MAN2A1: variants seen among roughly 807,000 people sequenced by gnomAD.
MAN2A1 encodes the protein mannosidase alpha class 2A member 1, also known as alpha-mannosidase 2.
In MAN2A1, 76 loss-of-function variants were observed where a neutral mutation model predicts 142.6. That is an observed-to-expected ratio of 0.53 (90% confidence interval 0.44 to 0.65). The LOEUF is 0.65. MAN2A1 is among the 30% of genes least tolerant of loss of function. The pLI, the probability that MAN2A1 is intolerant of heterozygous loss-of-function variation, is 0.00. For synonymous variants in MAN2A1, 559 were observed against 473.2 expected, an observed-to-expected ratio of 1.18 and a Z score of -2.35; for missense variants, 1,311 against 1,365.1, an observed-to-expected ratio of 0.96 and a Z score of 0.62.
chr5:109,744,220 G>A (rs1752342330), intron 4 of MAN2A1, among the ~76,000 whole-genome samples: 1 of 152,084 alleles, frequency 6.6e-6, no homozygotes, highest in African/African-American at 2.4e-5. Context: ...TCAGAAAACA[G>A]CAGGGAAGAC....
At chr5:109,717,467 A>T (rs1187658907) in intron 3 of MAN2A1, among the ~76,000 whole-genome samples, 4 of 152,206 alleles carry the variant, frequency 2.6e-5, no homozygotes, top group African/African-American at 9.6e-5. Context: ...TGAAATCAAT[A>T]TTCTGGAAAT....
rs1441806798 is a variant in MAN2A1 at position 109,832,724 on chromosome 5, G to GC, written c.2566+8894dup. Among the ~76,000 whole-genome samples, 61 of 150,612 alleles carry GC rather than the reference G, an allele frequency of 4.1e-4. No individual in the cohort carries two copies. The East Asian group carries it at 6.4e-3, about 16-fold the overall frequency. ...GACAGGGTGGCGGCCGGGCAGAGGG[G>GC]CCCCCCCACTTCCCTCCCGGATGGG... On this transcript the variant is annotated intron_variant, in intron 16 of 21. Transcript: ENST00000261483.
At chr5:109,733,680 A>T (rs1258762386) in intron 4 of MAN2A1, among the ~76,000 whole-genome samples, 1 of 152,072 alleles carries the variant, frequency 6.6e-6, no homozygotes, top group Admixed American at 6.6e-5. Context: ...ATTAGCGTAT[A>T]TTGAACCAGC....
At chr5:109,741,109 T>G (rs1229110467) in intron 4 of MAN2A1, among the ~76,000 whole-genome samples, 1 of 152,184 alleles carries the variant, frequency 6.6e-6, no homozygotes, top group African/African-American at 2.4e-5. Flanking sequence ...CTCAGATTCC[T>G]TCTGAGTGAG....
chr5:109,805,099 T>A (rs2112702883), intron 12 of MAN2A1, among the ~76,000 whole-genome samples: 1 of 152,268 alleles, frequency 6.6e-6, no homozygotes, highest in African/African-American at 2.4e-5. Flanking sequence ...GACAAGGAAA[T>A]AGAACATCTT....
chr5:109,803,079 T>C (rs1754073235), intron 12 of MAN2A1, among the ~76,000 whole-genome samples: 1 of 152,082 alleles, frequency 6.6e-6, no homozygotes. Context: ...TTTAACAGCA[T>C]AGGATTTTAA....
intron 20 of MAN2A1, chr5:109,863,300 A>T (rs1755801191): frequency 6.6e-6 from 1 of 152,242 alleles, no homozygotes; most frequent in Non-Finnish European, 1.5e-5. Context: ...CAAATAAAGG[A>T]AATTTATGCT....
chr5:109,806,388 C>G (rs1018088731), intron 12 of MAN2A1, among the ~76,000 whole-genome samples: 3 of 152,174 alleles, frequency 2.0e-5, no homozygotes, highest in African/African-American at 7.2e-5. Context: ...TGTTTTAAGG[C>G]TAATTAAGTG....
At chr5:109,853,610 T>C (rs1356869807) in intron 19 of MAN2A1, 1 of 152,216 alleles carries the variant, frequency 6.6e-6, no homozygotes, top group Admixed American at 6.5e-5. Context: ...GTGGACTTAA[T>C]ACTTCCCAGA....
intron 1 of MAN2A1, among the ~76,000 whole-genome samples, chr5:109,695,360 A>G (rs1411448207): frequency 6.6e-6 from 1 of 152,218 alleles, no homozygotes; most frequent in Non-Finnish European, 1.5e-5. Flanking sequence ...AATTTGCATT[A>G]AGAGGTGTCT....
At chr5:109,755,576 A>C (rs1293751175) in intron 5 of MAN2A1, 120 bp downstream of exon 5, 6 of 735,844 alleles carry the variant, frequency 8.2e-6, no homozygotes, top group Non-Finnish European at 1.1e-5. Flanking sequence ...TTGTTGAATA[A>C]TTTATTCTTC....
chr5:109,690,972 G>T (rs763658499), intron 1 of MAN2A1, among the ~76,000 whole-genome samples: 10 of 152,190 alleles, frequency 6.6e-5, no homozygotes, highest in Non-Finnish European at 1.3e-4. Context: ...GCCCCTGAGC[G>T]CACGGAGTCG....
At chr5:109,763,276 C>T (rs533406079) in intron 5 of MAN2A1, among the ~76,000 whole-genome samples, 26 of 152,206 alleles carry the variant, frequency 1.7e-4, no homozygotes, top group African/African-American at 6.0e-4. Context: ...TAACATAGAC[C>T]TCTATGAATT....
chr5:109,727,140 G>C (rs756490521), intron 3 of MAN2A1, among the ~76,000 whole-genome samples: 27 of 152,238 alleles, frequency 1.8e-4, no homozygotes, highest in Admixed American at 7.2e-4. Context: ...TGGTAATGAC[G>C]CTGATTTGTT....
intron 19 of MAN2A1, among the ~76,000 whole-genome samples, chr5:109,851,564 C>T (rs376841191): frequency 1.3e-5 from 2 of 152,278 alleles, no homozygotes; most frequent in African/African-American, 4.8e-5. Flanking sequence ...AAGGCCCTCA[C>T]CAGATGCCAG....
chr5:109,732,984 T>C lies in MAN2A1; in HGVS notation c.707+3471T>C, dbSNP rs568246405. Among the ~76,000 whole-genome samples the C allele has an allele frequency of 1.5e-4, 22 of 151,370 alleles. 1 individual carries two copies. In the East Asian group the frequency reaches 1.6e-3, roughly 11 times the overall value. ...GGCCATTTTCACAATATTGATTCTT[T>C]CTACCCATGAGCATGGAATGTTCTT... On this transcript the variant is annotated intron_variant, in intron 4 of 21. Transcript: ENST00000261483.
chr5:109,764,021 G>A (rs770315002), intron 5 of MAN2A1, among the ~76,000 whole-genome samples: 32 of 151,874 alleles, frequency 2.1e-4, no homozygotes, highest in Non-Finnish European at 4.3e-4. Flanking sequence ...GGCTGGTCTC[G>A]AACTCCTGAC....
At chr5:109,720,382 T>G (rs1418149540) in intron 3 of MAN2A1, among the ~76,000 whole-genome samples, 1 of 152,202 alleles carries the variant, frequency 6.6e-6, no homozygotes, top group African/African-American at 2.4e-5. Context: ...TTTTGCTTTT[T>G]TGTGTGTGTA....
intron 4 of MAN2A1, among the ~76,000 whole-genome samples, chr5:109,748,725 T>G (rs1752470424): frequency 6.6e-6 from 1 of 151,878 alleles, no homozygotes; most frequent in Non-Finnish European, 1.5e-5. Context: ...ATAGACAGCA[T>G]GGACAGCTAG....
Sources: allele counts gnomAD v4.1 joint callset (sites outside exome capture counted in the v4.1 genomes callset), GRCh38; gene constraint gnomAD v4.1.1; transcripts MANE v1.5; gene names NCBI Gene and HGNC (gene_info 2026-07-23, HGNC 2026-07-21).